The following KLHL14 variants were observed in gnomAD, a reference collection of about 807,000 sequenced individuals.
The protein encoded by KLHL14 is kelch-like protein 14.
A neutral mutation model predicts 64.3 loss-of-function variants in KLHL14; 22 were observed. That is an observed-to-expected ratio of 0.34 (90% CI 0.24 to 0.49). KLHL14 has a LOEUF of 0.49. Among genes scored for constraint, KLHL14 ranks in the 20% least tolerant of loss-of-function variants. KLHL14 has a pLI of 0.99. For missense variants in KLHL14, 661 were observed against 789.0 expected (o/e 0.84, Z 1.94); for synonymous variants, 322 against 333.4 (o/e 0.97, Z 0.37).
At chr18:32,696,759 T>C (rs1222629167) in intron 3 of KLHL14, among the ~76,000 whole-genome samples, 1 of 152,216 alleles carries the variant, frequency 6.6e-6, no homozygotes, top group South Asian at 2.1e-4. Context: ...TCATTTCATT[T>C]TGTTTTTATT....
At chr18:32,747,105 CTGT>C (rs1459809051) in intron 2 of KLHL14, among the ~76,000 whole-genome samples, 1 of 152,126 alleles carries the variant, frequency 6.6e-6, no homozygotes, top group Non-Finnish European at 1.5e-5. Context: ...CAGATACACT[CTGT>C]TGTTAAAAGT....
At chr18:32,711,727 A>G (rs1003743354) in intron 3 of KLHL14, among the ~76,000 whole-genome samples, 3 of 152,150 alleles carry the variant, frequency 2.0e-5, no homozygotes, top group African/African-American at 7.2e-5. Flanking sequence ...CTCATACATC[A>G]TACCATCATA....
chr18:32,714,718 A>C (rs565001721), intron 3 of KLHL14, among the ~76,000 whole-genome samples: 1 of 152,152 alleles, frequency 6.6e-6, no homozygotes, highest in African/African-American at 2.4e-5. Context: ...TAACTGCAGC[A>C]ATTTTGAACT....
At chr18:32,702,713 G>T (rs2072330512) in intron 3 of KLHL14, among the ~76,000 whole-genome samples, 1 of 151,662 alleles carries the variant, frequency 6.6e-6, no homozygotes, top group Non-Finnish European at 1.5e-5. Context: ...ATTACGGACA[G>T]TTAGTCTGGA....
chr18:32,687,555 G>A (rs1321908138), intron 4 of KLHL14, among the ~76,000 whole-genome samples: 5 of 151,846 alleles, frequency 3.3e-5, no homozygotes, highest in Non-Finnish European at 7.4e-5. Context: ...AGGTGTTATT[G>A]GTGTTTTAAT....
At chr18:32,753,646 C>T (rs1256628825) in intron 2 of KLHL14, among the ~76,000 whole-genome samples, 1 of 152,174 alleles carries the variant, frequency 6.6e-6, no homozygotes, top group African/African-American at 2.4e-5. Context: ...AGGCTTAGCT[C>T]ATAAGCCCCA....
In KLHL14 at chr18:32,677,213, TC is replaced by T; in HGVS notation, c.1705del (p.Asp569MetfsTer38). On this transcript the variant is annotated frameshift_variant, in exon 8 of 9. Transcript: ENST00000359358. LOFTEE classifies it high-confidence loss of function. ...GCCTCCCACAAGGTAAATGCTGTCA[TC>T]AAGCACTGCACAGCCAGGGCCACTT... The part of the protein sequence containing the change: ...GRSGPGCAVL[D>X]DSIYLVGGYS... 6.2e-7 allele frequency: 1 copy of T among 1,613,640 alleles called. No individual in the cohort carries two copies. The highest frequency in any genetic ancestry group is 8.5e-7 in the Non-Finnish European group (1 of 1,179,678).
intron 3 of KLHL14, among the ~76,000 whole-genome samples, chr18:32,728,944 C>G (rs181837922): frequency 6.6e-6 from 1 of 152,190 alleles, no homozygotes; most frequent in Non-Finnish European, 1.5e-5. Flanking sequence ...TTGGAGGGAG[C>G]ACGGCCCTGC....
Position 32,707,566 on chromosome 18 carries a change from C to T in KLHL14, c.1070-12014G>A, listed in dbSNP as rs139944980. On this transcript the variant is annotated intron_variant, in intron 3 of 8. Coordinates refer to ENST00000359358, the MANE Select transcript of KLHL14 (RefSeq NM_020805.3). Reference sequence around the variant, plus strand: ...TAAACAATGTGATTTATGCTGAATACTTCCTTTTCTTCTGGTAGCCTGGAA... The same window carrying T: ...TAAACAATGTGATTTATGCTGAATATTTCCTTTTCTTCTGGTAGCCTGGAA... 7.9e-5 allele frequency among the ~76,000 whole-genome samples: 12 copies of T among 152,354 alleles called. No individual in the cohort carries two copies. The East Asian group carries it at 2.3e-3, about 29-fold the overall frequency.
intron 3 of KLHL14, among the ~76,000 whole-genome samples, chr18:32,709,959 G>A (rs1180578606): frequency 6.6e-6 from 1 of 152,186 alleles, no homozygotes; most frequent in Non-Finnish European, 1.5e-5. Context: ...ACTTGGTTCA[G>A]TATTACAGAT....
At position 32,755,701 on chromosome 18, in the gene KLHL14, C is replaced by A. The variant is rs529597969; in HGVS notation, c.948-13652G>T. Among the ~76,000 whole-genome samples, 14 of 152,316 alleles carry A rather than the reference C, an allele frequency of 9.2e-5. 1 individual carries two copies. The South Asian group carries it at 2.9e-3, about 32-fold the overall frequency. ...ACTGGTAGCAGAACTACCTATGATG[C>A]TTGCTAAACATGCAGGTTCTTGGGA... is the stretch of plus-strand genomic sequence containing the variant. On this transcript the variant is annotated intron_variant, in intron 2 of 8. Transcript: ENST00000359358.
intron 5 of KLHL14, 59 bp downstream of exon 5, chr18:32,687,096 C>A: frequency 7.3e-7 from 1 of 1,375,384 alleles, no homozygotes; most frequent in East Asian, 2.3e-5. Flanking sequence ...AACCACCTAG[C>A]ACCCATGCCT....
intron 8 of KLHL14, 103 bp downstream of exon 8, chr18:32,677,070 T>G: frequency 1.6e-6 from 2 of 1,224,610 alleles, no homozygotes; most frequent in East Asian, 2.4e-5. Flanking sequence ...GTAAGTATGA[T>G]ACTCTTAAAA....
chr18:32,767,590 G>T (rs2050353658), intron 2 of KLHL14, among the ~76,000 whole-genome samples: 1 of 152,246 alleles, frequency 6.6e-6, no homozygotes, highest in African/African-American at 2.4e-5. Flanking sequence ...GCTGGAGGGT[G>T]TCGTCACGGA....
chr18:32,756,613 A>G (rs1375368082), intron 2 of KLHL14, among the ~76,000 whole-genome samples: 1 of 152,142 alleles, frequency 6.6e-6, no homozygotes, highest in African/African-American at 2.4e-5. Flanking sequence ...TACCTAGACT[A>G]CTTGCTGTTG....
intron 8 of KLHL14, among the ~76,000 whole-genome samples, chr18:32,676,245 T>C (rs940997705): frequency 5.3e-5 from 8 of 152,294 alleles, no homozygotes; most frequent in Non-Finnish European, 8.8e-5. Context: ...TTCAAATGAC[T>C]CCACAAGGAA....
chr18:32,763,241 C>T (rs1012054647), intron 2 of KLHL14, among the ~76,000 whole-genome samples: 1 of 151,838 alleles, frequency 6.6e-6, no homozygotes, highest in Admixed American at 6.6e-5. Flanking sequence ...TATTATTTAG[C>T]CCCTTAATTC....
rs1356645731 is a variant in KLHL14, at chr18:32,769,952, G to A, written c.640C>T (p.Leu214=). 1 of 1,614,212 alleles carries A rather than the reference G, an allele frequency of 6.2e-7. No homozygotes were observed. The highest frequency in any genetic ancestry group is 1.7e-5 in the Admixed American group (1 of 60,028). Residue 214 remains leucine, a synonymous_variant, in exon 2 of 9, where the codon CTG becomes TTG. Transcript: ENST00000359358. ...LANKYLVEDV[L]LLNFEEMRAL... is the part of the protein sequence containing the mutation. ...CGCATCTCCTCGAAGTTGAGCAGCA[G>A]CACATCCTCCACCAGGTACTTGTTG...
intron 3 of KLHL14, among the ~76,000 whole-genome samples, chr18:32,739,885 G>A (rs1407733308): frequency 1.3e-5 from 2 of 152,122 alleles, no homozygotes; most frequent in African/African-American, 4.8e-5. Context: ...GCCTCTAGGT[G>A]TAAAGGTACA....
Sources: gnomAD v4.1 joint callset for allele counts (sites outside exome capture counted in the v4.1 genomes callset) on GRCh38, gnomAD v4.1.1 for gene constraint, MANE v1.5 for transcripts, NCBI Gene and HGNC (gene_info 2026-07-23, HGNC 2026-07-21) for gene names.